Variants in NPAS3 observed in about 807,000 individuals in gnomAD.
NPAS3 encodes the protein neuronal PAS domain-containing protein 3.
A neutral mutation model predicts 73.1 loss-of-function variants in NPAS3; 14 were observed. The observed-to-expected ratio is 0.19, with a 90% CI of 0.13 to 0.30. NPAS3 has a LOEUF of 0.30. Ranked by LOEUF, NPAS3 falls within the 10% of genes least tolerant of loss-of-function variation. The probability of loss-of-function intolerance (pLI) is 1.00; values close to 1 mark genes in which losing one functional copy is unlikely to be tolerated. For synonymous variants in NPAS3, 620 were observed against 541.5 expected (o/e 1.14, Z -2.01); for missense variants, 1,096 against 1,250.0 (o/e 0.88, Z 1.86).
rs537032612 is a variant in NPAS3, at chr14:33,142,034, T to G, written c.141-73148T>G. 2.0e-5 allele frequency among the ~76,000 whole-genome samples: 3 copies of G among 152,276 alleles called. No individual in the cohort carries two copies. In the South Asian group the frequency reaches 6.2e-4, roughly 32 times the overall value. On this transcript the variant is annotated intron_variant, in intron 2 of 11. Transcript: ENST00000356141. ...ATTTATTTTTATCACTTATTTCTTT[T>G]GCCATTCAATGGGCTCTACCTATTT... is the stretch of plus-strand genomic sequence containing the variant.
chr14:33,265,162 G>T (rs2049123532), intron 3 of NPAS3, among the ~76,000 whole-genome samples: 1 of 152,192 alleles, frequency 6.6e-6, no homozygotes, highest in African/African-American at 2.4e-5. Flanking sequence ...ACTCATCCAA[G>T]CCTAGCCCCT....
chr14:33,135,254 C>T (rs533568692), intron 2 of NPAS3, among the ~76,000 whole-genome samples: 32 of 152,204 alleles, frequency 2.1e-4, no homozygotes, highest in Middle Eastern at 3.4e-3. Context: ...CTCGTAAATT[C>T]GGACAAACCA....
intron 4 of NPAS3, among the ~76,000 whole-genome samples, chr14:33,482,053 GTTT>G (rs35267663): frequency 1.5e-5 from 2 of 137,576 alleles, no homozygotes; most frequent in Non-Finnish European, 1.6e-5. Context: ...TCAGAAGCAA[GTTT>G]TTTTTTTTTT....
At chr14:33,377,532 A>C (rs2221206) in intron 4 of NPAS3, among the ~76,000 whole-genome samples, 51,391 of 152,152 alleles carry the variant, frequency 0.34, 8,927 homozygotes, top group Admixed American at 0.43. Flanking sequence ...TCACCCTTCC[A>C]TGTCAGGGTC....
intron 1 of NPAS3, among the ~76,000 whole-genome samples, chr14:33,032,829 C>T (rs1049790210): frequency 2.6e-5 from 4 of 152,202 alleles, no homozygotes; most frequent in Non-Finnish European, 5.9e-5. Context: ...AGCTCATGGA[C>T]TGCTTCTGGG....
intron 5 of NPAS3, among the ~76,000 whole-genome samples, chr14:33,571,413 A>G (rs2056210846): frequency 6.6e-6 from 1 of 152,056 alleles, no homozygotes; most frequent in African/African-American, 2.4e-5. Flanking sequence ...TTTTATTTTT[A>G]CCCTTCAAAG....
intron 1 of NPAS3, among the ~76,000 whole-genome samples, chr14:33,019,120 A>C (rs1403244588): frequency 6.6e-6 from 1 of 152,204 alleles, no homozygotes; most frequent in Admixed American, 6.5e-5. Flanking sequence ...CTGAATAAAA[A>C]TGAGTATGAT....
intron 4 of NPAS3, 109 bp from the exon 5 acceptor site, chr14:33,560,009 CAAA>C (rs33950536): frequency 1.3e-3 from 511 of 392,542 alleles, no homozygotes; most frequent in South Asian, 2.5e-3. Flanking sequence ...GACTCTGTCT[CAAA>C]AAAAAAAAAA....
intron 2 of NPAS3, among the ~76,000 whole-genome samples, chr14:33,105,736 G>A (rs2042704347): frequency 6.6e-6 from 1 of 151,368 alleles, no homozygotes; most frequent in African/African-American, 2.4e-5. Context: ...CATACATATT[G>A]AACATATATC....
chr14:32,938,471 G>GAGAGAAAT, upstream of NPAS3, among the ~76,000 whole-genome samples: 1 of 128,290 alleles, frequency 7.8e-6, no homozygotes, highest in Non-Finnish European at 1.7e-5. Flanking sequence ...GAGAGAGAGA[G>GAGAGAAAT]AGAGAGAGAG....
intron 3 of NPAS3, among the ~76,000 whole-genome samples, chr14:33,346,765 A>G (rs991841890): frequency 4.6e-5 from 7 of 152,170 alleles, no homozygotes; most frequent in African/African-American, 1.7e-4. Context: ...GAATCCTTTC[A>G]TGTATTACAG....
rs144225448 is a variant in NPAS3, at chr14:33,314,594, G to A, written c.386-52592G>A. 5.8e-4 allele frequency among the ~76,000 whole-genome samples: 88 copies of A among 151,924 alleles called. 1 individual carries two copies. The highest frequency in any genetic ancestry group is 6.5e-4 in the Non-Finnish European group (44 of 67,914). ...ATACATGGGAAAAAATACTCTAATT[G>A]GATAATAGATTATCATCTAAATATA... On this transcript the variant is annotated intron_variant, in intron 3 of 11. Transcript: ENST00000356141.
chr14:33,207,373 G>A (rs1380674157), intron 2 of NPAS3, among the ~76,000 whole-genome samples: 1 of 151,954 alleles, frequency 6.6e-6, no homozygotes, highest in Non-Finnish European at 1.5e-5. Flanking sequence ...AAACTGCACT[G>A]CTGAGAAAGT....
intron 4 of NPAS3, among the ~76,000 whole-genome samples, chr14:33,428,696 G>A (rs938219018): frequency 6.6e-6 from 1 of 152,128 alleles, no homozygotes; most frequent in East Asian, 1.9e-4. Context: ...ACTAAGGGTG[G>A]ACGTCAGATC....
At chr14:33,397,479 G>T (rs1374392815) in intron 4 of NPAS3, among the ~76,000 whole-genome samples, 1 of 151,666 alleles carries the variant, frequency 6.6e-6, no homozygotes, top group African/African-American at 2.4e-5. Context: ...TAAATCCAGG[G>T]TTCTTTATGC....
intron 8 of NPAS3, 39 bp from the exon 9 acceptor site, chr14:33,778,427 C>T (rs780208181): frequency 5.8e-6 from 8 of 1,382,360 alleles, no homozygotes; most frequent in Admixed American, 1.7e-5. Flanking sequence ...TTTATATTTC[C>T]TCCTTTCTGA....
At chr14:33,086,473 T>C (rs1426416720) in intron 2 of NPAS3, among the ~76,000 whole-genome samples, 1 of 152,158 alleles carries the variant, frequency 6.6e-6, no homozygotes, top group Non-Finnish European at 1.5e-5. Context: ...CTTAGGATGT[T>C]TGTTACTGAG....
chr14:33,438,165 C>T (rs1259132603), intron 4 of NPAS3, among the ~76,000 whole-genome samples: 1 of 152,066 alleles, frequency 6.6e-6, no homozygotes, highest in East Asian at 1.9e-4. Flanking sequence ...TTGATGCTTA[C>T]TGAGCATAAA....
intron 1 of NPAS3, among the ~76,000 whole-genome samples, chr14:33,012,634 C>T (rs1437762484): frequency 6.6e-5 from 10 of 151,816 alleles, no homozygotes; most frequent in South Asian, 2.1e-4. Flanking sequence ...CTGCAACCTC[C>T]GCCTCCCGGG....
Sources: allele counts gnomAD v4.1 joint callset (sites outside exome capture counted in the v4.1 genomes callset), GRCh38; gene constraint gnomAD v4.1.1; transcripts MANE v1.5; gene names NCBI Gene and HGNC (gene_info 2026-07-23, HGNC 2026-07-21).